AGBL4: variants seen among roughly 807,000 people sequenced by gnomAD.
The protein encoded by AGBL4 is AGBL carboxypeptidase 4, also known as cytosolic carboxypeptidase 6.
A neutral mutation model predicts 66.4 loss-of-function variants in AGBL4; 58 were observed. The ratio of observed to expected loss-of-function variants is 0.87; its 90% CI spans 0.71 to 1.09. The LOEUF (loss-of-function observed/expected upper bound fraction) is 1.09, where lower values mean the gene tolerates loss of function less well. AGBL4 is among the 50% of genes least tolerant of loss of function. The pLI, the probability that AGBL4 is intolerant of heterozygous loss-of-function variation, is 0.00. For synonymous variants in AGBL4, 234 were observed against 222.9 expected, an observed-to-expected ratio of 1.05 and a Z score of -0.44; for missense variants, 579 against 631.0, an observed-to-expected ratio of 0.92 and a Z score of 0.88.
At chr1:49,708,035 G>T (rs866372369) in intron 2 of AGBL4, among the ~76,000 whole-genome samples, 2 of 152,128 alleles carry the variant, frequency 1.3e-5, no homozygotes, top group Admixed American at 6.5e-5. Flanking sequence ...GTGTCTTGGG[G>T]TTGCTCTTCT....
At chr1:48,587,811 T>A (rs1644848609) in intron 10 of AGBL4, among the ~76,000 whole-genome samples, 1 of 151,192 alleles carries the variant, frequency 6.6e-6, no homozygotes, top group African/African-American at 2.4e-5. Flanking sequence ...ACTGGCTAAT[T>A]TTTTGTATTT....
intron 1 of AGBL4, chr1:49,995,202 C>A (rs1406452223): frequency 2.2e-6 from 1 of 456,156 alleles, no homozygotes; most frequent in Middle Eastern, 3.3e-4. Flanking sequence ...GGTGGGGAGG[C>A]ACAAATCCTG....
chr1:49,035,249 A>T (rs950539547), intron 5 of AGBL4, among the ~76,000 whole-genome samples: 17 of 152,152 alleles, frequency 1.1e-4, no homozygotes, highest in Non-Finnish European at 4.4e-5. Context: ...AGTGGAAGGT[A>T]TCCAAGTCAC....
intron 2 of AGBL4, among the ~76,000 whole-genome samples, chr1:49,849,478 TACACAC>T (rs772101356): frequency 3.3e-4 from 45 of 135,838 alleles, no homozygotes; most frequent in Admixed American, 1.1e-3. Flanking sequence ...AAAGTATACA[TACACAC>T]ACACACACAC....
At chr1:49,728,328 T>C (rs138954943) in intron 2 of AGBL4, among the ~76,000 whole-genome samples, 5 of 152,334 alleles carry the variant, frequency 3.3e-5, no homozygotes, top group South Asian at 2.1e-4. Flanking sequence ...AACTACACAC[T>C]GTGTTTCTCT....
intron 6 of AGBL4, among the ~76,000 whole-genome samples, chr1:48,708,540 GC>G (rs1646915215): frequency 6.6e-6 from 1 of 152,178 alleles, no homozygotes; most frequent in Non-Finnish European, 1.5e-5. Flanking sequence ...TCTAGGAAGG[GC>G]CCTAGAGAAG....
intron 1 of AGBL4, among the ~76,000 whole-genome samples, chr1:49,935,772 G>A (rs1571905337): frequency 6.6e-6 from 1 of 152,286 alleles, no homozygotes; most frequent in South Asian, 2.1e-4. Context: ...CTGCAGCTGA[G>A]GGTCCTGTCT....
At chr1:50,022,161 T>A (rs1358035112) in intron 1 of AGBL4, among the ~76,000 whole-genome samples, 1 of 152,208 alleles carries the variant, frequency 6.6e-6, no homozygotes, top group Non-Finnish European at 1.5e-5. Context: ...GAGAACATAC[T>A]ATACACTTAG....
intron 4 of AGBL4, among the ~76,000 whole-genome samples, chr1:49,229,033 T>C (rs1650111394): frequency 6.6e-6 from 1 of 152,186 alleles, no homozygotes; most frequent in South Asian, 2.1e-4. Context: ...CACACCATGC[T>C]GTCTCATGCC....
intron 3 of AGBL4, among the ~76,000 whole-genome samples, chr1:49,668,024 C>T (rs1164751587): frequency 6.6e-6 from 1 of 152,022 alleles, no homozygotes; most frequent in Non-Finnish European, 1.5e-5. Context: ...GCAAGCGTAT[C>T]GTAGGGCAAA....
At chr1:49,633,369 G>A (rs1645608304) in intron 3 of AGBL4, among the ~76,000 whole-genome samples, 1 of 152,180 alleles carries the variant, frequency 6.6e-6, no homozygotes, top group South Asian at 2.1e-4. Context: ...CTGACATATT[G>A]GAGGGGCTCA....
chr1:49,873,751 C>A (rs982533850), intron 1 of AGBL4, among the ~76,000 whole-genome samples: 1 of 152,028 alleles, frequency 6.6e-6, no homozygotes, highest in African/African-American at 2.4e-5. Flanking sequence ...AGGCACAGAA[C>A]ACAGGCTGTT....
intron 3 of AGBL4, among the ~76,000 whole-genome samples, chr1:49,339,969 C>T (rs1250541816): frequency 6.6e-6 from 1 of 152,158 alleles, no homozygotes; most frequent in Non-Finnish European, 1.5e-5. Flanking sequence ...TTGTGAAAAA[C>T]TACATATCCC....
At chr1:49,438,534 GAAC>G (rs1249489175) in intron 3 of AGBL4, among the ~76,000 whole-genome samples, 1 of 152,096 alleles carries the variant, frequency 6.6e-6, no homozygotes, top group Non-Finnish European at 1.5e-5. Context: ...AATAAATAGA[GAAC>G]AACAGAAAAC....
intron 2 of AGBL4, among the ~76,000 whole-genome samples, chr1:49,838,048 C>T (rs190931757): frequency 1.3e-5 from 2 of 152,208 alleles, no homozygotes; most frequent in Admixed American, 1.3e-4. Context: ...GAGCTCGTGC[C>T]AGGTAGTTCA....
chr1:49,762,166 A>G (rs757573508), intron 2 of AGBL4, among the ~76,000 whole-genome samples: 1 of 152,186 alleles, frequency 6.6e-6, no homozygotes, highest in Admixed American at 6.5e-5. Flanking sequence ...AGATTTACAT[A>G]GTGGCTGTAT....
At chr1:49,746,123 G>C (rs1183565990) in intron 2 of AGBL4, among the ~76,000 whole-genome samples, 2 of 151,768 alleles carry the variant, frequency 1.3e-5, no homozygotes, top group Non-Finnish European at 2.9e-5. Context: ...CATCAGTATA[G>C]CCTCAGCGTC....
At chr1:49,902,458 T>A (rs780390444) in intron 1 of AGBL4, among the ~76,000 whole-genome samples, 10 of 152,058 alleles carry the variant, frequency 6.6e-5, no homozygotes, top group Non-Finnish European at 1.2e-4. Flanking sequence ...ATTAGAGAAA[T>A]GCAAATCAGG....
Position 49,927,639 on chromosome 1 carries a change from C to T in AGBL4, c.35-76121G>A, listed in dbSNP as rs76653906. Among the ~76,000 whole-genome samples, 5 of 150,612 alleles carry T rather than the reference C, an allele frequency of 3.3e-5. No individual in the cohort carries two copies. The East Asian group carries it at 7.9e-4, about 24-fold the overall frequency. Reference sequence around the variant, plus strand: ...ATTTTGGGTGGGGAAAGAGCCAAACCGTATCACAGTTTATATGAAAGTACA... The same window carrying T: ...ATTTTGGGTGGGGAAAGAGCCAAACTGTATCACAGTTTATATGAAAGTACA... On this transcript the variant is annotated intron_variant, in intron 1 of 13. Coordinates refer to ENST00000371839, the MANE Select transcript of AGBL4 (RefSeq NM_032785.4).
Sources: allele counts gnomAD v4.1 joint callset (sites outside exome capture counted in the v4.1 genomes callset), GRCh38; gene constraint gnomAD v4.1.1; transcripts MANE v1.5; gene names NCBI Gene and HGNC (gene_info 2026-07-23, HGNC 2026-07-21).